The following MAP3K13 variants were observed in gnomAD, a reference collection of about 807,000 sequenced individuals.
MAP3K13 encodes leucine zipper-bearing kinase.
Under a neutral mutation model 104.0 loss-of-function variants are expected in MAP3K13, and 52 were observed. That is an observed-to-expected ratio of 0.50 (90% CI 0.40 to 0.63). MAP3K13 has a LOEUF of 0.63. Among genes scored for constraint, MAP3K13 ranks in the 20% least tolerant of loss-of-function variants. The pLI is 0.00. For missense variants in MAP3K13, 914 were observed against 1,218.5 expected (o/e 0.75, Z 3.72); for synonymous variants, 394 against 442.2 (o/e 0.89, Z 1.37).
At chr3:185,331,166 T>A (rs1248490053) in intron 2 of MAP3K13, among the ~76,000 whole-genome samples, 1 of 145,864 alleles carries the variant, frequency 6.9e-6, no homozygotes, top group African/African-American at 2.5e-5. Flanking sequence ...GGATCTCGGC[T>A]CACTGCAACC....
At chr3:185,366,196 A>G (rs1276615344) in intron 1 of MAP3K13, among the ~76,000 whole-genome samples, 1 of 151,938 alleles carries the variant, frequency 6.6e-6, no homozygotes, top group Admixed American at 6.6e-5. Context: ...GAAATCATAC[A>G]GTACATGCTC....
chr3:185,383,850 T>A (rs1238788089), intron 1 of MAP3K13, among the ~76,000 whole-genome samples: 1 of 152,206 alleles, frequency 6.6e-6, no homozygotes, highest in Admixed American at 6.5e-5. Context: ...TACACACTTA[T>A]GGGATACATA....
chr3:185,380,946 TTG>T (rs1491549261), intron 1 of MAP3K13, among the ~76,000 whole-genome samples: 22 of 107,058 alleles, frequency 2.1e-4, no homozygotes, highest in African/African-American at 6.0e-4. Flanking sequence ...GAAGGTTTTT[TTG>T]TTTTTTTTTT....
At chr3:185,432,748 T>A (rs1213330050) in intron 2 of MAP3K13, among the ~76,000 whole-genome samples, 1 of 152,246 alleles carries the variant, frequency 6.6e-6, no homozygotes, top group Non-Finnish European at 1.5e-5. Flanking sequence ...TGTAAACTAG[T>A]ATTTAATTTG....
At chr3:185,355,454 G>A (rs563799196) in intron 2 of MAP3K13, among the ~76,000 whole-genome samples, 4 of 126,718 alleles carry the variant, frequency 3.2e-5, no homozygotes, top group African/African-American at 1.2e-4. Flanking sequence ...GTGTCAGAGC[G>A]AAACTCTGTC....
intron 2 of MAP3K13, chr3:185,291,594 G>T (rs1395631660): frequency 1.3e-6 from 2 of 1,499,244 alleles, no homozygotes; most frequent in Admixed American, 2.6e-5. Flanking sequence ...ATTTTTTTGT[G>T]TTTTGTTTTG....
Position 185,473,438 on chromosome 3 carries a change from A to G in MAP3K13, c.2107A>G (p.Met703Val), listed in dbSNP as rs759430612. Residue 703 changes from methionine (M) to valine (V), a missense_variant, in exon 11 of 14, where the codon ATG becomes GTG. Physicochemically the swap from Met to Val is conservative, Grantham distance 21. Coordinates refer to ENST00000265026, the MANE Select transcript of MAP3K13 (RefSeq NM_004721.5). The surrounding 1 kb of genome is among the most constrained non-coding windows in gnomAD (Gnocchi z 4.9). ...GSSPDLISTAMAADCWRSSEP... is the reference protein window; with the variant it reads ...GSSPDLISTAVAADCWRSSEP... ...GAGCCCTGACCTCATCTCCACAGCC[A>G]TGGCTGCAGACTGCTGGAGAAGTTC... is the stretch of plus-strand genomic sequence containing the variant. 1 of 1,614,184 alleles carries G rather than the reference A, an allele frequency of 6.2e-7. No individual in the cohort carries two copies. The highest frequency in any genetic ancestry group is 2.2e-5 in the East Asian group (1 of 44,880).
intron 2 of MAP3K13, among the ~76,000 whole-genome samples, chr3:185,323,212 A>G (rs970508655): frequency 1.3e-5 from 2 of 152,216 alleles, no homozygotes; most frequent in South Asian, 4.1e-4. Flanking sequence ...TTAAGAAATT[A>G]ACATTGGTAC....
chr3:185,486,871 C>T lies in MAP3K13; in HGVS notation c.*4415C>T, dbSNP rs1346377438. Reference sequence around the variant, plus strand: ...TTTGAAATTATAATGGACCTTACCACCACTTAAGTTTAGACCTGTTTGCAA... The same window carrying T: ...TTTGAAATTATAATGGACCTTACCATCACTTAAGTTTAGACCTGTTTGCAA... On this transcript the variant is annotated 3_prime_UTR_variant, in exon 14 of 14. Transcript: ENST00000265026. 1 of 152,194 alleles carries T rather than the reference C, an allele frequency of 6.6e-6. No homozygotes were observed. Among genetic ancestry groups the T allele is most frequent in the Non-Finnish European group, 1.5e-5 (1 of 68,050 alleles). 9.4% of individuals were successfully genotyped at this position (152,194 alleles called of 1,614,324 possible).
chr3:185,475,498 C>T (rs1718068384), intron 11 of MAP3K13, among the ~76,000 whole-genome samples: 2 of 152,158 alleles, frequency 1.3e-5, no homozygotes, highest in African/African-American at 4.8e-5. Context: ...CTGGGAACTG[C>T]ATTTCCCCCT....
chr3:185,466,825 G>T lies in MAP3K13; in HGVS notation c.1506-1G>T, dbSNP rs1337362918. 6.2e-7 allele frequency: 1 copy of T among 1,613,942 alleles called. No individual in the cohort carries two copies. On this transcript the variant is annotated splice_acceptor_variant, in intron 9 of 13. Transcript: ENST00000265026. LOFTEE classifies it high-confidence loss of function. The stretch of plus-strand genomic sequence containing the variant: ...GTGTGGCTTTTGCCTTTATTCTGCA[G>T]GCGTGAGCAAGCAGTGGAAAAGAAG...
intron 8 of MAP3K13, 106 bp downstream of exon 8, chr3:185,463,765 C>T: frequency 1.6e-6 from 1 of 620,600 alleles, no homozygotes; most frequent in South Asian, 2.4e-5. Context: ...CCTTTCACCT[C>T]TGCTTTTTAT....
intron 2 of MAP3K13, among the ~76,000 whole-genome samples, chr3:185,317,477 A>G (rs1721718481): frequency 6.6e-6 from 1 of 152,202 alleles, no homozygotes; most frequent in Non-Finnish European, 1.5e-5. Flanking sequence ...TATCTTAGAA[A>G]TTCTAAAGTA....
Position 185,450,744 on chromosome 3 carries a change from A to G in MAP3K13, c.1170-543A>G, listed in dbSNP as rs151058588. Among the ~76,000 whole-genome samples the G allele has an allele frequency of 3.7e-3, 557 of 152,010 alleles. 4 individuals carry two copies. The highest frequency in any genetic ancestry group is 0.012 in the African/African-American group (514 of 41,468). On this transcript the variant is annotated intron_variant, in intron 6 of 13. Transcript: ENST00000265026. The surrounding 1 kb of genome is among the most constrained non-coding windows in gnomAD (Gnocchi z 4.2). ...GAACCCATGAGTCTGAGATCAGCTT[A>G]GGCAACATAGTGAGACCCCGTCTCT...
At chr3:185,304,959 G>T (rs1283936968) in intron 2 of MAP3K13, among the ~76,000 whole-genome samples, 2 of 152,094 alleles carry the variant, frequency 1.3e-5, no homozygotes, top group Non-Finnish European at 2.9e-5. Flanking sequence ...GTTATCATTT[G>T]CATGGAATAT....
intron 1 of MAP3K13, among the ~76,000 whole-genome samples, chr3:185,370,388 G>T (rs11719249): frequency 0.23 from 34,648 of 151,978 alleles, 4,175 homozygotes; most frequent in Admixed American, 0.29. Context: ...TAGAGACAGG[G>T]TTTCACCATG....
chr3:185,323,414 G>A lies in MAP3K13; in HGVS notation c.-86+37771G>A, dbSNP rs961772754. Among the ~76,000 whole-genome samples the A allele has an allele frequency of 6.3e-5, 9 of 142,876 alleles. 1 individual carries two copies. Among genetic ancestry groups the A allele is most frequent in the East Asian group, 2.1e-4 (1 of 4,686 alleles). The allele number at this position is 142,876 out of a possible 152,430, so 93.7% of individuals were successfully genotyped here. ...TGCAATGGCGCGATCTTGGCTCACC[G>A]CAACCTCCACCTCCCGGGTTCAAGC... On this transcript the variant is annotated intron_variant, in intron 2 of 14. Coordinates refer to the MAP3K13 transcript ENST00000424227.
intron 9 of MAP3K13, among the ~76,000 whole-genome samples, 169 bp from the exon 10 acceptor site, chr3:185,466,657 C>T (rs1304192486): frequency 6.6e-6 from 1 of 151,976 alleles, no homozygotes; most frequent in African/African-American, 2.4e-5. Context: ...GATTACATGC[C>T]TGAGCCACCG....
chr3:185,302,107 T>C (rs954026822), intron 2 of MAP3K13, among the ~76,000 whole-genome samples: 2 of 152,144 alleles, frequency 1.3e-5, no homozygotes, highest in African/African-American at 4.8e-5. Context: ...TATGGACATT[T>C]TAATAATAAG....
Sources: gnomAD v4.1 joint callset for allele counts (sites outside exome capture counted in the v4.1 genomes callset) on GRCh38, gnomAD v4.1.1 for gene constraint, Gnocchi (gnomAD v3.1) non-coding constraint, MANE v1.5 for transcripts, NCBI Gene and HGNC (gene_info 2026-07-23, HGNC 2026-07-21) for gene names.